Variants in NPR3 observed in about 807,000 individuals in gnomAD.
The protein encoded by NPR3 is natriuretic peptide receptor 3.
A neutral mutation model predicts 54.5 loss-of-function variants in NPR3; 34 were observed. The ratio of observed to expected loss-of-function variants is 0.62; its 90% CI spans 0.47 to 0.83. The LOEUF (loss-of-function observed/expected upper bound fraction) is 0.83. Among genes scored for constraint, NPR3 ranks in the 40% least tolerant of loss-of-function variants. NPR3 has a pLI of 0.00. For missense variants in NPR3, 674 were observed against 720.8 expected (o/e 0.94, Z 0.74); for synonymous variants, 289 against 297.1 (o/e 0.97, Z 0.28).
intron 1 of NPR3, among the ~76,000 whole-genome samples, chr5:32,717,745 C>G (rs1449049112): frequency 6.6e-6 from 1 of 152,096 alleles, no homozygotes; most frequent in African/African-American, 2.4e-5. Flanking sequence ...TTTGTAGATT[C>G]TGGATATTAA....
chr5:32,757,900 C>T (rs1196975613), intron 3 of NPR3, among the ~76,000 whole-genome samples: 3 of 152,108 alleles, frequency 2.0e-5, no homozygotes, highest in Non-Finnish European at 4.4e-5. Flanking sequence ...TGATGGATTA[C>T]GTTTATTGAT....
chr5:32,706,517 G>A (rs1040920031), upstream of NPR3, among the ~76,000 whole-genome samples: 2 of 152,296 alleles, frequency 1.3e-5, no homozygotes, highest in African/African-American at 2.4e-5. Flanking sequence ...ACTTTCTGGA[G>A]GATCAAAGAA....
At chr5:32,728,291 C>G (rs927284647) in intron 2 of NPR3, among the ~76,000 whole-genome samples, 3 of 151,816 alleles carry the variant, frequency 2.0e-5, no homozygotes, top group African/African-American at 7.3e-5. Flanking sequence ...GGTGAAACCC[C>G]GTCTCTACTA....
At chr5:32,776,429 T>G (rs1224788879) in intron 4 of NPR3, among the ~76,000 whole-genome samples, 1 of 152,220 alleles carries the variant, frequency 6.6e-6, no homozygotes, top group Non-Finnish European at 1.5e-5. Context: ...CAGGGAACAT[T>G]GCTACTTGTG....
rs746192457 is a variant in NPR3, at chr5:32,783,102, G to C, written c.1426+74G>C. ...AGTGTAATGTAAGTTTAAAACCCAA[G>C]TGTTTCTAGGGCCTTACATTTTGGA... On this transcript the variant is annotated intron_variant, in intron 6 of 7. Coordinates refer to ENST00000265074, the MANE Select transcript of NPR3 (RefSeq NM_001204375.2). The C allele has an allele frequency of 6.4e-6, 9 of 1,395,762 alleles. No homozygotes were observed. In the African/African-American group the frequency reaches 8.7e-5, roughly 13 times the overall value. 86.5% of individuals were successfully genotyped at this position (1,395,762 alleles called of 1,614,324 possible). A position where few individuals can be genotyped will look rare whatever the true frequency, so the allele number is the denominator to read the frequency against.
At chr5:32,752,481 C>T (rs1416852014) in intron 3 of NPR3, among the ~76,000 whole-genome samples, 6 of 152,118 alleles carry the variant, frequency 3.9e-5, no homozygotes, top group Admixed American at 6.5e-5. Flanking sequence ...GCCCTTCCAG[C>T]GAGACTGCAA....
upstream of NPR3, chr5:32,710,577 G>C: frequency 1.5e-6 from 2 of 1,373,204 alleles, no homozygotes; most frequent in Admixed American, 7.0e-5. Context: ...GCAAACCTGC[G>C]TGGCCCAGGG....
chr5:32,702,434 A>C (rs1163207800), intron 1 of NPR3, among the ~76,000 whole-genome samples: 2 of 102,130 alleles, frequency 2.0e-5, no homozygotes, highest in African/African-American at 7.7e-5. Context: ...AACAGTCCCC[A>C]GAGTGTGATG....
In NPR3 at chr5:32,789,780, T is replaced by G. The variant is rs565925262; in HGVS notation, c.*3435T>G. 2 of 519,700 alleles carry G rather than the reference T, an allele frequency of 3.8e-6. No homozygotes were observed. Among genetic ancestry groups the G allele is most frequent in the Non-Finnish European group, 7.9e-6 (2 of 252,338 alleles). 32.2% of individuals were successfully genotyped at this position (519,700 alleles called of 1,614,324 possible). On this transcript the variant is annotated 3_prime_UTR_variant, in exon 8 of 8. Transcript: ENST00000265074. ...GGCCATTGCATAGATCTCATGCAGATAGTGATGGATTCAGAAAGTAGGTTC... is the reference window on the plus strand; with the variant it reads ...GGCCATTGCATAGATCTCATGCAGAGAGTGATGGATTCAGAAAGTAGGTTC...
chr5:32,757,047 A>T (rs1257777892), intron 3 of NPR3, among the ~76,000 whole-genome samples: 2 of 152,182 alleles, frequency 1.3e-5, no homozygotes. Context: ...TGATGCCTCC[A>T]GCTTTGTTCT....
intron 3 of NPR3, among the ~76,000 whole-genome samples, chr5:32,741,882 C>T (rs187099040): frequency 1.4e-3 from 206 of 151,870 alleles, no homozygotes; most frequent in Middle Eastern, 3.4e-3. Flanking sequence ...CACACCACCA[C>T]GCCTGGCTGA....
intron 3 of NPR3, among the ~76,000 whole-genome samples, chr5:32,760,160 A>C (rs1201289804): frequency 6.6e-6 from 1 of 151,950 alleles, no homozygotes; most frequent in Non-Finnish European, 1.5e-5. Flanking sequence ...ATTGTGACCG[A>C]AGCTGCAATG....
In NPR3 at chr5:32,713,470, G is replaced by A. The variant is rs552791932; in HGVS notation, c.769+925G>A. On this transcript the variant is annotated intron_variant, in intron 1 of 7. Coordinates refer to ENST00000265074, the MANE Select transcript of NPR3 (RefSeq NM_001204375.2). ...AATCTGAGGGAAGGCGGACTGAGATGCCGGTATAGCGCCGATCCCTCCTCC... is the reference window on the plus strand; with the variant it reads ...AATCTGAGGGAAGGCGGACTGAGATACCGGTATAGCGCCGATCCCTCCTCC... The A allele has an allele frequency of 3.1e-3, 3,080 of 985,168 alleles. 6 individuals are homozygous for A. Among genetic ancestry groups the A allele is most frequent in the Non-Finnish European group, 3.6e-3 (2,969 of 829,666 alleles). 61.0% of individuals were successfully genotyped at this position (985,168 alleles called of 1,614,324 possible).
chr5:32,710,828 T>C (rs1315668759), upstream of NPR3: 1 of 1,469,706 alleles, frequency 6.8e-7, no homozygotes, highest in Non-Finnish European at 9.0e-7. Flanking sequence ...GAAACCACAA[T>C]TTCTAGAACC....
At chr5:32,763,486 T>C (rs1181618954) in intron 3 of NPR3, among the ~76,000 whole-genome samples, 3 of 151,244 alleles carry the variant, frequency 2.0e-5, no homozygotes, top group African/African-American at 7.3e-5. Flanking sequence ...ATTTTTTTTT[T>C]TTTTTTTTTA....
At chr5:32,759,973 T>TCG (rs1347611375) in intron 3 of NPR3, among the ~76,000 whole-genome samples, 2 of 152,158 alleles carry the variant, frequency 1.3e-5, no homozygotes, top group African/African-American at 4.8e-5. Context: ...GCTGAGAGAT[T>TCG]CGCTGTTAGT....
Position 32,712,010 on chromosome 5 carries a change from T to C in NPR3, c.234T>C (p.Tyr78=), listed in dbSNP as rs764679630. 5 of 1,613,486 alleles carry C rather than the reference T, an allele frequency of 3.1e-6. No individual in the cohort carries two copies. In the South Asian group the frequency reaches 4.4e-5, roughly 14 times the overall value. Residue 78 remains tyrosine (Y), a synonymous_variant, in exon 1 of 8, where the codon TAT becomes TAC. Transcript: ENST00000265074. The part of the protein sequence containing the change: ...SLTRVRPAIE[Y]ALRSVEGNGT... Reference sequence around the variant, plus strand: ...CCCGGGTGCGGCCGGCCATCGAGTATGCTCTGCGCAGCGTGGAGGGCAACG... The same window carrying C: ...CCCGGGTGCGGCCGGCCATCGAGTACGCTCTGCGCAGCGTGGAGGGCAACG...
intron 3 of NPR3, among the ~76,000 whole-genome samples, chr5:32,753,607 C>T (rs1217869540): frequency 6.7e-6 from 1 of 148,624 alleles, no homozygotes; most frequent in East Asian, 2.0e-4. Flanking sequence ...CTCTGAGCAC[C>T]TCAGGGTCTC....
At chr5:32,702,240 C>T (rs1466032783) in intron 1 of NPR3, among the ~76,000 whole-genome samples, 1 of 152,138 alleles carries the variant, frequency 6.6e-6, no homozygotes, top group African/African-American at 2.4e-5. Flanking sequence ...ACCCAAGCCA[C>T]ATAACAAATT....
Sources: gnomAD v4.1 joint callset for allele counts (sites outside exome capture counted in the v4.1 genomes callset) on GRCh38, gnomAD v4.1.1 for gene constraint, MANE v1.5 for transcripts, NCBI Gene and HGNC (gene_info 2026-07-23, HGNC 2026-07-21) for gene names.